Variants in NLRP11 observed in about 807,000 individuals in gnomAD.
NLRP11 encodes the protein NLR family pyrin domain containing 11, also known as NACHT, LRR and PYD domains-containing protein 11.
Under a neutral mutation model 79.3 loss-of-function variants are expected in NLRP11, and 53 were observed. That is an observed-to-expected ratio of 0.67 (90% CI 0.54 to 0.84). The LOEUF is 0.84. NLRP11 is among the 40% of genes least tolerant of loss of function. The probability of loss-of-function intolerance (pLI) is 0.00; values close to 1 mark genes in which losing one functional copy is unlikely to be tolerated. For missense variants in NLRP11, 1,264 were observed against 1,255.0 expected (o/e 1.01, Z -0.11); for synonymous variants, 518 against 462.6 (o/e 1.12, Z -1.54).
At chr19:55,786,198 T>C (rs1194105363) in intron 9 of NLRP11, among the ~76,000 whole-genome samples, 1 of 152,190 alleles carries the variant, frequency 6.6e-6, no homozygotes, top group Non-Finnish European at 1.5e-5. Flanking sequence ...CTTTATAGGT[T>C]CCAATACTGA....
At chr19:55,788,810 A>G in exon 9 of NLRP11, 1 of 1,599,934 alleles carries the variant, frequency 6.3e-7, no homozygotes, top group Non-Finnish European at 8.5e-7. Context: ...AACTTACCCA[A>G]CTACCTTAAG....
At chr19:55,800,106 T>C (rs1288053300) in intron 5 of NLRP11, among the ~76,000 whole-genome samples, 1 of 152,124 alleles carries the variant, frequency 6.6e-6, no homozygotes, top group Non-Finnish European at 1.5e-5. Context: ...AGCTTGAGAA[T>C]ACAGGAGGTG....
At chr19:55,796,484 C>G (rs1978886855) in intron 5 of NLRP11, among the ~76,000 whole-genome samples, 1 of 152,130 alleles carries the variant, frequency 6.6e-6, no homozygotes, top group African/African-American at 2.4e-5. Flanking sequence ...TCCTCTTTTG[C>G]ATTCATCTCC....
At chr19:55,818,092 T>C (rs1272389131) in exon 2 of NLRP11, 1 of 1,614,102 alleles carries the variant, frequency 6.2e-7, no homozygotes, top group Non-Finnish European at 8.5e-7. Context: ...TGCCAGATAC[T>C]TCTTAAAACT....
At chr19:55,814,864 A>AGCCCAGGACTGGCACACG (rs1402424443) in intron 2 of NLRP11, among the ~76,000 whole-genome samples, 1 of 152,202 alleles carries the variant, frequency 6.6e-6, no homozygotes, top group African/African-American at 2.4e-5. Context: ...GACAGCCACC[A>AGCCCAGGACTGGCACACG]GCCCAGGACT....
intron 2 of NLRP11, among the ~76,000 whole-genome samples, chr19:55,816,271 T>G (rs1371931223): frequency 3.3e-5 from 5 of 152,168 alleles, no homozygotes; most frequent in Non-Finnish European, 7.3e-5. Flanking sequence ...TGACAAAAAC[T>G]ATAATGAGAC....
At chr19:55,791,769 T>C (rs1990247376) in intron 7 of NLRP11, among the ~76,000 whole-genome samples, 1 of 152,202 alleles carries the variant, frequency 6.6e-6, no homozygotes, top group Non-Finnish European at 1.5e-5. Flanking sequence ...AAAACTGTAG[T>C]GGCTTGTTAC....
chr19:55,792,035 G>A (rs1168661810), intron 7 of NLRP11, among the ~76,000 whole-genome samples: 2 of 21,768 alleles, frequency 9.2e-5, no homozygotes, highest in East Asian at 1.5e-3. Flanking sequence ...ATGTCCACCC[G>A]GGGCAGGGGG....
chr19:55,785,598 A>T (rs1195815025), exon 10 of NLRP11: 1 of 1,588,182 alleles, frequency 6.3e-7, no homozygotes, highest in South Asian at 1.2e-5. Flanking sequence ...AGTAATTTAT[A>T]ATAAATACTG....
At chr19:55,815,386 G>A (rs893489272) in intron 2 of NLRP11, among the ~76,000 whole-genome samples, 3 of 151,816 alleles carry the variant, frequency 2.0e-5, no homozygotes, top group East Asian at 3.9e-4. Flanking sequence ...AAAATGAGCC[G>A]GGTGTGGTGG....
chr19:55,836,322 T>C (rs187791723), upstream of NLRP11: 1 of 152,124 alleles, frequency 6.6e-6, no homozygotes, highest in Admixed American at 6.5e-5. Flanking sequence ...GCCCTGGGAA[T>C]TCTCAATAGG....
chr19:55,804,311 C>T (rs930092161), intron 4 of NLRP11, among the ~76,000 whole-genome samples: 3 of 152,140 alleles, frequency 2.0e-5, no homozygotes, highest in Non-Finnish European at 2.9e-5. Flanking sequence ...GATACATGCA[C>T]ATGAATGTTC....
In NLRP11 at chr19:55,809,554, C is replaced by G; in HGVS notation, c.1056G>C (p.Gln352His). The G allele has an allele frequency of 6.2e-7, 1 of 1,614,214 alleles. No homozygotes were observed. Among genetic ancestry groups the G allele is most frequent in the Non-Finnish European group, 8.5e-7 (1 of 1,180,040 alleles). Residue 352 changes from glutamine (Q) to histidine (H), a missense_variant, in exon 3 of 10, where the codon CAG (glutamine) becomes CAC (histidine). Gln to His is a conservative substitution (Grantham distance 24, BLOSUM62 0). Transcript: ENST00000589093. This position sits in a 1 kb window ranked among gnomAD's most constrained non-coding sequence, Gnocchi z 4.5. ...GCTGGAAGTCACGCCCCTTGTCCAT[C>G]TGCCGCTTCAGGACAGTACACGTGA...
chr19:55,810,441 G>T (rs1439884029), intron 2 of NLRP11, 103 bp from the exon 3 acceptor site: 6 of 1,046,888 alleles, frequency 5.7e-6, no homozygotes, highest in Non-Finnish European at 8.3e-6. Flanking sequence ...AAATATAGTA[G>T]AAATTTTTAC....
At chr19:55,797,402 C>T (rs1010624523) in intron 5 of NLRP11, among the ~76,000 whole-genome samples, 2 of 152,218 alleles carry the variant, frequency 1.3e-5, no homozygotes, top group Non-Finnish European at 2.9e-5. Context: ...TCAATATTCT[C>T]TTCTTCAATG....
chr19:55,797,607 G>T (rs1243079637), intron 5 of NLRP11, among the ~76,000 whole-genome samples: 1 of 152,174 alleles, frequency 6.6e-6, no homozygotes, highest in Non-Finnish European at 1.5e-5. Context: ...AGGTCATAGA[G>T]AAAGAAAAGG....
intron 4 of NLRP11, among the ~76,000 whole-genome samples, chr19:55,804,691 A>G (rs1247879134): frequency 2.6e-5 from 4 of 152,176 alleles, no homozygotes. Context: ...TATATACAAA[A>G]TATGTACGTC....
At chr19:55,795,317 C>A (rs541203553) in intron 6 of NLRP11, among the ~76,000 whole-genome samples, 1 of 152,162 alleles carries the variant, frequency 6.6e-6, no homozygotes, top group East Asian at 1.9e-4. Context: ...TATTTCAAGG[C>A]AATCTAGCAC....
chr19:55,814,711 G>A (rs1458675549), intron 2 of NLRP11, among the ~76,000 whole-genome samples: 2 of 152,206 alleles, frequency 1.3e-5, no homozygotes, highest in Admixed American at 6.5e-5. Context: ...TAGAGAAGAT[G>A]GTAGACCAGA....
Sources: gnomAD v4.1 joint callset for allele counts (sites outside exome capture counted in the v4.1 genomes callset) on GRCh38, gnomAD v4.1.1 for gene constraint, Gnocchi (gnomAD v3.1) non-coding constraint, MANE v1.5 for transcripts, NCBI Gene and HGNC (gene_info 2026-07-23, HGNC 2026-07-21) for gene names.